GBF1: variants seen among roughly 807,000 people sequenced by gnomAD.
GBF1 encodes the protein Golgi-specific brefeldin A-resistance guanine nucleotide exchange factor 1.
Under a neutral mutation model 210.5 loss-of-function variants are expected in GBF1, and 114 were observed. That is an observed-to-expected ratio of 0.54 (90% CI 0.47 to 0.63). GBF1 has a LOEUF of 0.63. Among genes scored for constraint, GBF1 ranks in the 30% least tolerant of loss-of-function variants. The pLI is 0.00. For synonymous variants in GBF1, 850 were observed against 889.2 expected (o/e 0.96, Z 0.78); for missense variants, 1,851 against 2,357.7 (o/e 0.79, Z 4.45).
At chr10:102,352,663 C>T (rs2134829313) in intron 7 of GBF1, 145 bp downstream of exon 7, 1 of 659,938 alleles carries the variant, frequency 1.5e-6, no homozygotes, top group East Asian at 2.7e-5. Context: ...TTCTCTGGGC[C>T]CAGGGTTACT....
At chr10:102,321,547 T>C (rs2056397189) in intron 3 of GBF1, among the ~76,000 whole-genome samples, 1 of 152,200 alleles carries the variant, frequency 6.6e-6, no homozygotes, top group Non-Finnish European at 1.5e-5. Flanking sequence ...AAAATGATAC[T>C]GCAGACTTCC....
At chr10:102,342,407 A>T (rs2058259158) in intron 3 of GBF1, among the ~76,000 whole-genome samples, 1 of 150,966 alleles carries the variant, frequency 6.6e-6, no homozygotes, top group South Asian at 2.1e-4. Flanking sequence ...ACACACACAC[A>T]CTCACACACA....
chr10:102,271,031 T>TTTA (rs1167247933), intron 3 of GBF1, among the ~76,000 whole-genome samples: 26 of 149,826 alleles, frequency 1.7e-4, no homozygotes, highest in Admixed American at 7.3e-4. Flanking sequence ...TTTATTTTAT[T>TTTA]TTATTATTAT....
In GBF1 at chr10:102,322,172, T is replaced by A. The variant is rs529517195; in HGVS notation, c.164-21879T>A. ...AAGCCACCATGCCTGGCCTCATTAG[T>A]TGTTTGAAAAAATATTCTGGCTATC... On this transcript the variant is annotated intron_variant, in intron 3 of 39. Transcript: ENST00000369983. Among the ~76,000 whole-genome samples the A allele has an allele frequency of 2.0e-5, 3 of 152,362 alleles. No individual in the cohort carries two copies. In the South Asian group the frequency reaches 6.2e-4, roughly 32 times the overall value.
At chr10:102,248,955 C>T (rs1194178291) in intron 1 of GBF1, among the ~76,000 whole-genome samples, 1 of 152,136 alleles carries the variant, frequency 6.6e-6, no homozygotes, top group Non-Finnish European at 1.5e-5. Context: ...TTTAGAAGAG[C>T]CAACTGCTCC....
At chr10:102,288,478 G>A (rs2076143480) in intron 3 of GBF1, among the ~76,000 whole-genome samples, 1 of 152,030 alleles carries the variant, frequency 6.6e-6, no homozygotes, top group South Asian at 2.1e-4. Flanking sequence ...TTGGGAGGCC[G>A]AGGCGGGCGG....
At chr10:102,328,334 G>GA (rs998504680) in intron 3 of GBF1, among the ~76,000 whole-genome samples, 78 of 152,132 alleles carry the variant, frequency 5.1e-4, no homozygotes, top group African/African-American at 1.8e-3. Context: ...TCTCTACAAA[G>GA]AAAAAATTTT....
At chr10:102,239,019 A>T in the GBF1 span, among the ~76,000 whole-genome samples, 1 of 152,166 alleles carries the variant, frequency 6.6e-6, no homozygotes, top group Non-Finnish European at 1.5e-5. Flanking sequence ...AGGCCCCCTC[A>T]TCTCCAGTTT....
chr10:102,239,611 G>GTA, the GBF1 span, among the ~76,000 whole-genome samples: 2 of 152,346 alleles, frequency 1.3e-5, no homozygotes, highest in Non-Finnish European at 2.9e-5. Flanking sequence ...TGGGGAATAC[G>GTA]TATTGTATGT....
At position 102,326,671 on chromosome 10, in the gene GBF1, C is replaced by T. The variant is rs535484478; in HGVS notation, c.164-17380C>T. The stretch of plus-strand genomic sequence containing the variant: ...ATCTCCCCAGAAATATCCCCCATGC[C>T]TCTTTGAGTCCCCCAACCCCACACA... On this transcript the variant is annotated intron_variant, in intron 3 of 39. Transcript: ENST00000369983. 1.3e-4 allele frequency among the ~76,000 whole-genome samples: 20 copies of T among 152,292 alleles called. 1 individual carries two copies. The highest frequency in any genetic ancestry group is 3.4e-4 in the African/African-American group (14 of 41,560).
chr10:102,328,959 TG>T (rs987420687), intron 3 of GBF1, among the ~76,000 whole-genome samples: 4 of 152,188 alleles, frequency 2.6e-5, no homozygotes, highest in African/African-American at 9.7e-5. Flanking sequence ...TGGGGTAAAT[TG>T]TTCTGTTGTC....
At chr10:102,239,078 A>G in the GBF1 span, among the ~76,000 whole-genome samples, 1 of 152,132 alleles carries the variant, frequency 6.6e-6, no homozygotes, top group African/African-American at 2.4e-5. Context: ...GTCTTTTATT[A>G]TGCTGTAGAT....
At chr10:102,379,721 G>C in intron 35 of GBF1, 70 bp downstream of exon 35, 2 of 1,554,270 alleles carry the variant, frequency 1.3e-6, no homozygotes, top group East Asian at 2.2e-5. Context: ...AGCCTGAAGA[G>C]CCCCTAATGT....
chr10:102,375,930 C>T (rs758680298), intron 30 of GBF1, among the ~76,000 whole-genome samples: 6 of 151,748 alleles, frequency 4.0e-5, no homozygotes, highest in Non-Finnish European at 7.4e-5. Context: ...ATCACTAAAT[C>T]GATACATCAC....
rs781449310 is a variant in GBF1 at position 102,369,196 on chromosome 10, C to T, written c.2974-15C>T. On this transcript the variant is annotated splice_polypyrimidine_tract_variant and intron_variant, in intron 23 of 39. Coordinates refer to ENST00000369983, the MANE Select transcript of GBF1 (RefSeq NM_001377137.1). The stretch of plus-strand genomic sequence containing the variant: ...ATTAGCTCGGCCTTAAGTCTGTTCT[C>T]TTCCTCTTTTCCAGTCTATTGAGAA... The T allele has an allele frequency of 1.3e-6, 2 of 1,594,912 alleles. No homozygotes were observed. Among genetic ancestry groups the T allele is most frequent in the African/African-American group, 2.7e-5 (2 of 74,572 alleles).
chr10:102,249,543 C>T (rs1238325097), intron 1 of GBF1, among the ~76,000 whole-genome samples: 1 of 152,148 alleles, frequency 6.6e-6, no homozygotes, highest in East Asian at 1.9e-4. Flanking sequence ...CCTTCTTTTA[C>T]TTCCACCCTT....
In GBF1 at chr10:102,351,306, G is replaced by A. The variant is rs751365330; in HGVS notation, c.346G>A (p.Val116Ile). Residue 116 changes from valine to isoleucine, a missense_variant, in exon 5 of 40, where the codon GTC becomes ATC. Physicochemically the swap from Val to Ile is conservative, Grantham distance 29. This residue lies in a region of GBF1 where 804 missense variants were observed against 958.6 expected (regional missense o/e 0.84). Transcript: ENST00000369983. ...AEGMENMADA[V>I]THARFVGTDP... ...GGGCATGGAGAACATGGCAGATGCT[G>A]TCACCCATGCTCGTTTTGTGGGCAC... is the stretch of plus-strand genomic sequence containing the variant. The A allele has an allele frequency of 1.9e-6, 3 of 1,612,306 alleles. No homozygotes were observed. The highest frequency in any genetic ancestry group is 1.7e-6 in the Non-Finnish European group (2 of 1,178,334).
chr10:102,280,950 T>C (rs1329396473), intron 3 of GBF1, among the ~76,000 whole-genome samples: 2 of 152,216 alleles, frequency 1.3e-5, no homozygotes, highest in Non-Finnish European at 2.9e-5. Context: ...TCTGGGACTT[T>C]TGCTTTCTTC....
chr10:102,334,782 G>A (rs1194676817), intron 3 of GBF1, among the ~76,000 whole-genome samples: 1 of 151,960 alleles, frequency 6.6e-6, no homozygotes, highest in African/African-American at 2.4e-5. Context: ...CGGAGAGGCG[G>A]AGGTTACAGT....
Sources: allele counts gnomAD v4.1 joint callset (sites outside exome capture counted in the v4.1 genomes callset), GRCh38; gene constraint gnomAD v4.1.1; regional missense constraint gnomAD v4.1.1; transcripts MANE v1.5; gene names NCBI Gene and HGNC (gene_info 2026-07-23, HGNC 2026-07-21).